MDGA2: variants seen among roughly 807,000 people sequenced by gnomAD.
The protein encoded by MDGA2 is MAM domain containing glycosylphosphatidylinositol anchor 2.
A neutral mutation model predicts 117.8 loss-of-function variants in MDGA2; 40 were observed. That is an observed-to-expected ratio of 0.34 (90% CI 0.26 to 0.44). MDGA2 has a LOEUF of 0.44. Ranked by LOEUF, MDGA2 falls within the 20% of genes least tolerant of loss-of-function variation. MDGA2 has a pLI of 1.00. For synonymous variants in MDGA2, 452 were observed against 439.0 expected (o/e 1.03, Z -0.37); for missense variants, 1,123 against 1,250.6 (o/e 0.90, Z 1.54).
intron 1 of MDGA2, among the ~76,000 whole-genome samples, chr14:47,320,473 G>A (rs765435977): frequency 6.6e-6 from 1 of 152,132 alleles, no homozygotes; most frequent in Non-Finnish European, 1.5e-5. Flanking sequence ...AAACCTGTAG[G>A]TGAGTAGGAA....
chr14:47,476,960 G>A (rs1351238458), intron 1 of MDGA2, among the ~76,000 whole-genome samples: 1 of 151,986 alleles, frequency 6.6e-6, no homozygotes, highest in Non-Finnish European at 1.5e-5. Context: ...TCAGGAGTTC[G>A]AGATCAGCCT....
At chr14:47,665,863 G>C (rs144464431) in intron 1 of MDGA2, among the ~76,000 whole-genome samples, 1 of 106,332 alleles carries the variant, frequency 9.4e-6, no homozygotes, top group African/African-American at 3.6e-5. Context: ...GGACTCCTGC[G>C]TTGCCTCAGC....
chr14:46,957,990 TA>T (rs1304876707), intron 8 of MDGA2, among the ~76,000 whole-genome samples: 1 of 152,184 alleles, frequency 6.6e-6, no homozygotes, highest in African/African-American at 2.4e-5. Context: ...GTCCTTTGTC[TA>T]AAAGTGGTAA....
chr14:47,347,313 C>T (rs1000922941), intron 1 of MDGA2, among the ~76,000 whole-genome samples: 1 of 152,010 alleles, frequency 6.6e-6, no homozygotes, highest in African/African-American at 2.4e-5. Flanking sequence ...GAGACTGAGG[C>T]AATAATGCCC....
chr14:47,388,530 T>C (rs1178239950), intron 1 of MDGA2, among the ~76,000 whole-genome samples: 1 of 152,188 alleles, frequency 6.6e-6, no homozygotes, highest in Admixed American at 6.5e-5. Context: ...GATTATCAGT[T>C]CATCTATCTT....
intron 1 of MDGA2, among the ~76,000 whole-genome samples, chr14:47,466,976 A>G (rs765604610): frequency 3.3e-5 from 5 of 152,226 alleles, no homozygotes; most frequent in Middle Eastern, 3.4e-3. Flanking sequence ...TCTAGAAAAA[A>G]CAAGGCCAAG....
chr14:47,485,124 A>G (rs1429352915), intron 1 of MDGA2, among the ~76,000 whole-genome samples: 1 of 152,110 alleles, frequency 6.6e-6, no homozygotes, highest in Non-Finnish European at 1.5e-5. Flanking sequence ...AAAATGTGCT[A>G]AAGTTTGGAA....
intron 1 of MDGA2, among the ~76,000 whole-genome samples, chr14:47,589,311 T>C (rs1459199071): frequency 6.6e-6 from 1 of 152,046 alleles, no homozygotes; most frequent in Admixed American, 6.6e-5. Context: ...TGTATAGTTT[T>C]AGTTCTTACA....
intron 1 of MDGA2, among the ~76,000 whole-genome samples, chr14:47,606,061 TACATAAC>T (rs575770954): frequency 1.1e-3 from 160 of 152,320 alleles, no homozygotes; most frequent in Non-Finnish European, 5.4e-4. Context: ...TACACTATTT[TACATAAC>T]ACATATCATT....
chr14:47,328,293 A>G (rs1307285408), intron 1 of MDGA2, among the ~76,000 whole-genome samples: 3 of 152,174 alleles, frequency 2.0e-5, no homozygotes, highest in Non-Finnish European at 4.4e-5. Context: ...TTCTCCACAC[A>G]GTATTTGTCA....
intron 1 of MDGA2, among the ~76,000 whole-genome samples, chr14:47,359,228 C>G (rs1891059777): frequency 6.6e-6 from 1 of 152,052 alleles, no homozygotes; most frequent in Non-Finnish European, 1.5e-5. Context: ...GTGGCACGCA[C>G]CTGTAGTCCC....
chr14:47,182,874 A>G (rs1324080986), intron 3 of MDGA2, among the ~76,000 whole-genome samples: 1 of 152,102 alleles, frequency 6.6e-6, no homozygotes, highest in Non-Finnish European at 1.5e-5. Flanking sequence ...ATTCCATTTG[A>G]TATTTAAATA....
intron 9 of MDGA2, among the ~76,000 whole-genome samples, chr14:46,949,479 T>C (rs1885291998): frequency 6.6e-6 from 1 of 151,978 alleles, no homozygotes; most frequent in South Asian, 2.1e-4. Context: ...TGCTTACCAA[T>C]GTGTAATTGT....
chr14:47,314,429 G>A (rs113780759), intron 1 of MDGA2, among the ~76,000 whole-genome samples: 9 of 152,094 alleles, frequency 5.9e-5, no homozygotes, highest in African/African-American at 1.7e-4. Flanking sequence ...CTGTAATCTC[G>A]CACTTTTGGA....
intron 1 of MDGA2, among the ~76,000 whole-genome samples, chr14:47,580,531 C>T (rs1041428817): frequency 1.3e-5 from 2 of 151,540 alleles, no homozygotes; most frequent in Non-Finnish European, 3.0e-5. Flanking sequence ...AGATTCCATT[C>T]GAGCCACTAT....
chr14:47,128,354 CTT>C (rs1882009948), intron 5 of MDGA2, among the ~76,000 whole-genome samples: 1 of 151,956 alleles, frequency 6.6e-6, no homozygotes, highest in Non-Finnish European at 1.5e-5. Flanking sequence ...AAAGTGGTAA[CTT>C]AATTAATAAT....
chr14:47,443,250 CCA>C (rs1893050428), intron 1 of MDGA2, among the ~76,000 whole-genome samples: 1 of 152,082 alleles, frequency 6.6e-6, no homozygotes, highest in East Asian at 1.9e-4. Context: ...AAAGTTATGT[CCA>C]GAGTGCATGA....
chr14:46,948,427 T>C (rs2138602803), intron 9 of MDGA2, among the ~76,000 whole-genome samples: 1 of 152,048 alleles, frequency 6.6e-6, no homozygotes, highest in African/African-American at 2.4e-5. Context: ...TGCAGTATCA[T>C]TTTTACCATT....
intron 1 of MDGA2, among the ~76,000 whole-genome samples, chr14:47,335,342 T>C (rs1890411231): frequency 6.7e-6 from 1 of 148,368 alleles, no homozygotes; most frequent in Admixed American, 6.7e-5. Context: ...TTAAATAGAT[T>C]GGGTCAGGGA....
Sources: gnomAD v4.1 joint callset for allele counts (sites outside exome capture counted in the v4.1 genomes callset) on GRCh38, gnomAD v4.1.1 for gene constraint, MANE v1.5 for transcripts, NCBI Gene and HGNC (gene_info 2026-07-23, HGNC 2026-07-21) for gene names.